The following D2HGDH variants were observed in gnomAD, a reference collection of about 807,000 sequenced individuals.
D2HGDH encodes D-2-hydroxyglutarate dehydrogenase.
Under a neutral mutation model 46.9 loss-of-function variants are expected in D2HGDH, and 31 were observed. That is an observed-to-expected ratio of 0.66 (90% CI 0.50 to 0.89). The LOEUF (loss-of-function observed/expected upper bound fraction) is 0.89, where lower values mean the gene tolerates loss of function less well. Ranked by LOEUF, D2HGDH falls within the 40% of genes least tolerant of loss-of-function variation. The pLI is 0.00. For synonymous variants in D2HGDH, 364 were observed against 332.6 expected (o/e 1.09, Z -1.03); for missense variants, 698 against 720.8 (o/e 0.97, Z 0.36).
At chr2:241,763,858 G>GC (rs912188289) in intron 9 of D2HGDH, among the ~76,000 whole-genome samples, 11 of 151,866 alleles carry the variant, frequency 7.2e-5, no homozygotes, top group African/African-American at 1.4e-4. Context: ...GGTGAGACCG[G>GC]CCCCCCACCC....
Position 241,738,657 on chromosome 2 carries a change from C to A in D2HGDH, c.293-2376C>A, listed in dbSNP as rs113005342. ...AAGAACTGGCTGTCCCCCTGGGTCC[C>A]CGCTCTCTGGTCAGCACCTTTTTGG... On this transcript the variant is annotated intron_variant, in intron 2 of 9. Coordinates refer to ENST00000321264, the MANE Select transcript of D2HGDH (RefSeq NM_152783.5). Among the ~76,000 whole-genome samples, 1,032 of 152,328 alleles carry A rather than the reference C, an allele frequency of 6.8e-3. 10 individuals carry two copies. Among genetic ancestry groups the A allele is most frequent in the African/African-American group, 0.023 (974 of 41,574 alleles).
intron 9 of D2HGDH, among the ~76,000 whole-genome samples, chr2:241,760,691 G>A (rs1698720959): frequency 6.6e-6 from 1 of 152,256 alleles, no homozygotes; most frequent in Non-Finnish European, 1.5e-5. Flanking sequence ...GACACAGCGT[G>A]GGTGGGCCTT....
chr2:241,767,652 G>A, intron 9 of D2HGDH, 58 bp from the exon 10 acceptor site: 1 of 1,609,014 alleles, frequency 6.2e-7, no homozygotes, highest in Non-Finnish European at 8.5e-7. Flanking sequence ...GTTGGGGGAG[G>A]AGTGGGGTCC....
At chr2:241,751,121 G>T in intron 7 of D2HGDH, 125 bp from the exon 8 acceptor site, 1 of 1,335,948 alleles carries the variant, frequency 7.5e-7, no homozygotes. Flanking sequence ...TCCGCAGGCT[G>T]CCTGGGTCCT....
At chr2:241,761,250 C>T (rs1575334352) in intron 9 of D2HGDH, among the ~76,000 whole-genome samples, 1 of 152,076 alleles carries the variant, frequency 6.6e-6, no homozygotes, top group African/African-American at 2.4e-5. Flanking sequence ...TTAAAGTATA[C>T]AGGAGGGGCC....
intron 2 of D2HGDH, among the ~76,000 whole-genome samples, 171 bp from the exon 3 acceptor site, chr2:241,740,862 T>C (rs1220451707): frequency 6.6e-6 from 1 of 152,156 alleles, no homozygotes; most frequent in Non-Finnish European, 1.5e-5. Context: ...GGAGAATCGC[T>C]TGAACCTGGG....
intron 3 of D2HGDH, among the ~76,000 whole-genome samples, 162 bp downstream of exon 3, chr2:241,741,252 A>G (rs1266869857): frequency 6.6e-6 from 1 of 152,074 alleles, no homozygotes; most frequent in African/African-American, 2.4e-5. Flanking sequence ...TGCTATCTCA[A>G]TGCATCTGTG....
At position 241,743,160 on chromosome 2, in the gene D2HGDH, G is replaced by T. The variant is rs960513767; in HGVS notation, c.491-462G>T. On this transcript the variant is annotated intron_variant, in intron 4 of 9. Transcript: ENST00000321264. The surrounding 1 kb of genome is among the most constrained non-coding windows in gnomAD (Gnocchi z 4.8). ...CAGGGCGCCAGGGTCCTGCTCTGGA[G>T]CTGGGCCTCTCCCCGCAAGGCCGGG... Among the ~76,000 whole-genome samples, 2 of 152,170 alleles carry T rather than the reference G, an allele frequency of 1.3e-5. No homozygotes were observed. Among genetic ancestry groups the T allele is most frequent in the African/African-American group, 2.4e-5 (1 of 41,446 alleles).
At chr2:241,756,610 C>T (rs1459872451) in intron 9 of D2HGDH, among the ~76,000 whole-genome samples, 1 of 152,246 alleles carries the variant, frequency 6.6e-6, no homozygotes, top group African/African-American at 2.4e-5. Flanking sequence ...CAACCTCCAT[C>T]TTCTGGGTTC....
intron 8 of D2HGDH, chr2:241,755,242 G>A (rs1697976907): frequency 4.6e-6 from 5 of 1,093,354 alleles, no homozygotes; most frequent in South Asian, 2.9e-5. Context: ...CCTCCCCCGT[G>A]GCCCACCCAC....
chr2:241,763,684 C>G lies in D2HGDH; in HGVS notation c.1307-4026C>G, dbSNP rs1271765709. Among the ~76,000 whole-genome samples, 5 of 152,184 alleles carry G rather than the reference C, an allele frequency of 3.3e-5. No homozygotes were observed. In the South Asian group the frequency reaches 1.0e-3, roughly 32 times the overall value. ...TTTAATGTTATGGGGCCAGCATCAT[C>G]TCTGTGGTCCGGGGTTGGGTGAAAC... On this transcript the variant is annotated intron_variant, in intron 9 of 9. Coordinates refer to ENST00000321264, the MANE Select transcript of D2HGDH (RefSeq NM_152783.5).
chr2:241,739,373 G>A (rs750131126), intron 2 of D2HGDH, among the ~76,000 whole-genome samples: 11 of 152,228 alleles, frequency 7.2e-5, no homozygotes, highest in Non-Finnish European at 1.2e-4. Context: ...GGACAGGGAC[G>A]CAGTGAGCGC....
At chr2:241,765,146 C>T (rs1699171096) in intron 9 of D2HGDH, among the ~76,000 whole-genome samples, 1 of 152,220 alleles carries the variant, frequency 6.6e-6, no homozygotes, top group Admixed American at 6.5e-5. Context: ...CTGCGGACCC[C>T]TCCATCCGAC....
intron 9 of D2HGDH, among the ~76,000 whole-genome samples, chr2:241,757,803 C>CA (rs1238790222): frequency 6.6e-6 from 1 of 152,006 alleles, no homozygotes; most frequent in Non-Finnish European, 1.5e-5. Flanking sequence ...ACTAAAAATA[C>CA]AAAAAATTAA....
At chr2:241,755,419 T>C in intron 8 of D2HGDH, 1 of 1,307,568 alleles carries the variant, frequency 7.6e-7, no homozygotes, top group Non-Finnish European at 1.0e-6. Context: ...CCCATTCTCA[T>C]CCTCAGGGCC....
In D2HGDH at chr2:241,744,913, T is replaced by C. The variant is rs759333924; in HGVS notation, c.853+36T>C. The C allele has an allele frequency of 3.1e-6, 5 of 1,613,022 alleles. No homozygotes were observed. In the African/African-American group the frequency reaches 4.0e-5, roughly 13 times the overall value. On this transcript the variant is annotated intron_variant, in intron 6 of 9. Transcript: ENST00000321264. ...TCGATGTGTGCCTTGAGATGGGTGG[T>C]TGGGCTCGAGCGTCTGCTCTGATGG...
intron 8 of D2HGDH, among the ~76,000 whole-genome samples, chr2:241,752,272 G>A (rs1575293152): frequency 6.6e-6 from 1 of 152,226 alleles, no homozygotes; most frequent in East Asian, 1.9e-4. Context: ...GGGTGCGGTC[G>A]GCTGGGCTCA....
intron 9 of D2HGDH, among the ~76,000 whole-genome samples, chr2:241,758,703 G>A (rs948997218): frequency 3.3e-5 from 5 of 151,874 alleles, no homozygotes; most frequent in Admixed American, 3.3e-4. Context: ...CTGGAGTCCA[G>A]TAGTTCTAGA....
At chr2:241,744,295 G>A (rs938730970) in intron 5 of D2HGDH, among the ~76,000 whole-genome samples, 9 of 152,220 alleles carry the variant, frequency 5.9e-5, no homozygotes, top group African/African-American at 1.9e-4. Context: ...AAATTATGAC[G>A]CTTCAGTAGC....
Sources: gnomAD v4.1 joint callset for allele counts (sites outside exome capture counted in the v4.1 genomes callset) on GRCh38, gnomAD v4.1.1 for gene constraint, Gnocchi (gnomAD v3.1) non-coding constraint, MANE v1.5 for transcripts, NCBI Gene and HGNC (gene_info 2026-07-23, HGNC 2026-07-21) for gene names.